EWSR1: variants seen among roughly 807,000 people sequenced by gnomAD.
EWSR1 encodes EWS RNA binding protein 1.
A neutral mutation model predicts 92.1 loss-of-function variants in EWSR1; 14 were observed. That is an observed-to-expected ratio of 0.15 (90% confidence interval 0.10 to 0.24). EWSR1 has a LOEUF of 0.24. Ranked by LOEUF, EWSR1 falls within the 10% of genes least tolerant of loss-of-function variation. The pLI, the probability that EWSR1 is intolerant of heterozygous loss-of-function variation, is 1.00. For synonymous variants in EWSR1, 303 were observed against 292.9 expected (o/e 1.03, Z -0.35); for missense variants, 637 against 870.9 (o/e 0.73, Z 3.38).
chr22:29,288,558 G>A (rs771485350), intron 7 of EWSR1, 48 bp from the exon 8 acceptor site: 38 of 1,524,030 alleles, frequency 2.5e-5, no homozygotes, highest in Non-Finnish European at 2.9e-5. Context: ...ACATCAGGCA[G>A]TGGTGTAAAT....
intron 11 of EWSR1, among the ~76,000 whole-genome samples, chr22:29,292,988 G>T (rs2060559310): frequency 6.6e-6 from 1 of 152,008 alleles, no homozygotes; most frequent in African/African-American, 2.4e-5. Context: ...GACCTCAGGT[G>T]ATCTGCCCAC....
chr22:29,283,580 C>A (rs1320346190), intron 6 of EWSR1, among the ~76,000 whole-genome samples: 6 of 151,220 alleles, frequency 4.0e-5, no homozygotes, highest in Non-Finnish European at 7.4e-5. Context: ...GGCTGGAGTG[C>A]AATGGCACAA....
chr22:29,268,582 G>A (rs1030380871), intron 1 of EWSR1, among the ~76,000 whole-genome samples: 11 of 152,214 alleles, frequency 7.2e-5, no homozygotes, highest in African/African-American at 2.4e-4. Context: ...GCTGCGGCGG[G>A]GGCGCGCGGG....
intron 8 of EWSR1, chr22:29,290,624 C>A: frequency 1.4e-6 from 2 of 1,467,542 alleles, no homozygotes; most frequent in Non-Finnish European, 1.8e-6. Flanking sequence ...TGGTAATGAA[C>A]CAGAGGAGGT....
intron 5 of EWSR1, among the ~76,000 whole-genome samples, 187 bp from the exon 6 acceptor site, chr22:29,282,203 T>C (rs2059663988): frequency 6.6e-6 from 1 of 152,206 alleles, no homozygotes; most frequent in Non-Finnish European, 1.5e-5. Context: ...GCAAATATAG[T>C]TGGACCGACA....
intron 8 of EWSR1, 164 bp downstream of exon 8, chr22:29,288,950 A>G (rs1555910333): frequency 3.0e-6 from 2 of 669,454 alleles, no homozygotes; most frequent in Non-Finnish European, 4.7e-6. Context: ...TCTTTGTGGC[A>G]TATATTAAGT....
At chr22:29,273,703 A>C (rs757140029) in intron 3 of EWSR1, 38 bp from the exon 4 acceptor site, 2 of 1,592,564 alleles carry the variant, frequency 1.3e-6, no homozygotes, top group African/African-American at 2.7e-5. Context: ...ACAAAAGTTC[A>C]TGTATGAAGT....
chr22:29,270,498 C>T (rs1011549655), intron 1 of EWSR1, among the ~76,000 whole-genome samples: 1 of 152,320 alleles, frequency 6.6e-6, no homozygotes, highest in East Asian at 1.9e-4. Flanking sequence ...TGTTTGTGTG[C>T]TCTAGGAAGA....
chr22:29,287,270 G>A, intron 7 of EWSR1, 136 bp downstream of exon 7: 1 of 828,660 alleles, frequency 1.2e-6, no homozygotes, highest in Non-Finnish European at 1.9e-6. Context: ...GTACAGTGGT[G>A]CCATCTCAGC....
At chr22:29,282,360 T>C (rs1488893540) in intron 5 of EWSR1, 30 bp from the exon 6 acceptor site, 1 of 1,509,028 alleles carries the variant, frequency 6.6e-7, no homozygotes, top group South Asian at 1.3e-5. Flanking sequence ...AAAGTCACTT[T>C]TTAATTTTAT....
At chr22:29,268,600 T>G (rs1007706725) in intron 1 of EWSR1, among the ~76,000 whole-genome samples, 2 of 152,074 alleles carry the variant, frequency 1.3e-5, no homozygotes, top group African/African-American at 4.8e-5. Context: ...GGGGCCCGCC[T>G]TGGCCTCCAT....
At chr22:29,287,936 G>A (rs1002848462) in intron 7 of EWSR1, among the ~76,000 whole-genome samples, 18 of 152,222 alleles carry the variant, frequency 1.2e-4, no homozygotes, top group African/African-American at 4.1e-4. Context: ...GCACTTTGGG[G>A]GAGGCCAAGG....
chr22:29,273,861 A>G lies in EWSR1; in HGVS notation c.223A>G (p.Thr75Ala), dbSNP rs556275941. The G allele has an allele frequency of 1.9e-6, 3 of 1,613,876 alleles. No individual in the cohort carries two copies. The highest frequency in any genetic ancestry group is 2.7e-5 in the African/African-American group (2 of 74,992). The change falls in exon 4 of 17, where the codon ACT (threonine) becomes GCT (alanine). Residue 75 changes from threonine (T) to alanine (A), a missense_variant. By Grantham distance (58) the Thr-to-Ala change is moderately conservative (BLOSUM62 0). Transcript: ENST00000397938. ...AYATSYGQPPTGYTTPTAPQA... is the reference protein window; with the variant it reads ...AYATSYGQPPAGYTTPTAPQA... ...TGCAACTTCTTATGGACAGCCTCCCACTGGTAAGGCCTGCCTTGGAGAGAT... is the reference window on the plus strand; with the variant it reads ...TGCAACTTCTTATGGACAGCCTCCCGCTGGTAAGGCCTGCCTTGGAGAGAT...
rs1210051958 is a variant in EWSR1 at position 29,288,713 on chromosome 22, G to T, written c.901G>T (p.Gly301Cys). 1 of 1,613,856 alleles carries T rather than the reference G, an allele frequency of 6.2e-7. No homozygotes were observed. Among genetic ancestry groups the T allele is most frequent in the African/African-American group, 1.3e-5 (1 of 74,934 alleles). ...NRSMSGPDNR[G>C]RGRGGFDRGG... is the part of the protein sequence containing the mutation. The stretch of plus-strand genomic sequence containing the variant: ...GAGCATGAGTGGCCCTGATAACCGG[G>T]GCAGGGGAAGAGGGGGATTTGATCG... The change falls in exon 8 of 17, where the codon GGC becomes TGC. Residue 301 changes from glycine to cysteine, a missense_variant. Physicochemically the swap from Gly to Cys is radical, Grantham distance 159. This residue lies in a region of EWSR1 where 116 missense variants were observed against 167.8 expected (regional missense o/e 0.69). Transcript: ENST00000397938.
At chr22:29,282,825 C>T (rs569197127) in intron 6 of EWSR1, among the ~76,000 whole-genome samples, 20 of 150,962 alleles carry the variant, frequency 1.3e-4, no homozygotes, top group Non-Finnish European at 2.7e-4. Flanking sequence ...TGCAGTGGCG[C>T]GATCTCGGCT....
chr22:29,292,906 G>A (rs887928342), intron 11 of EWSR1, among the ~76,000 whole-genome samples: 7 of 151,626 alleles, frequency 4.6e-5, no homozygotes, highest in Non-Finnish European at 7.4e-5. Flanking sequence ...ACAGGTGTGC[G>A]CCACCAGCTA....
intron 2 of EWSR1, 21 bp from the exon 3 acceptor site, chr22:29,272,359 T>G: frequency 1.9e-6 from 3 of 1,614,048 alleles, no homozygotes; most frequent in Non-Finnish European, 2.5e-6. Context: ...ATTCAAGTTA[T>G]TGCATTTAAT....
In EWSR1 at chr22:29,298,726, G is replaced by T. The variant is rs377466992; in HGVS notation, c.1418-7G>T. ...TGATTTGCTGTTTCTTGTTGTTCTTGTTGTAGGTCCAGGAGGCCCAGGAGG... is the reference window on the plus strand; with the variant it reads ...TGATTTGCTGTTTCTTGTTGTTCTTTTTGTAGGTCCAGGAGGCCCAGGAGG... On this transcript the variant is annotated splice_polypyrimidine_tract_variant and splice_region_variant and intron_variant, in intron 13 of 16. Transcript: ENST00000397938. 1.9e-6 allele frequency: 3 copies of T among 1,612,858 alleles called. No individual in the cohort carries two copies. The highest frequency in any genetic ancestry group is 2.5e-6 in the Non-Finnish European group (3 of 1,179,870).
At chr22:29,282,641 A>G in intron 6 of EWSR1, 84 bp downstream of exon 6, 2 of 1,200,818 alleles carry the variant, frequency 1.7e-6, no homozygotes, top group South Asian at 3.7e-5. Flanking sequence ...TGACTTCTTC[A>G]GCTAAGGTAT....
Sources: gnomAD v4.1 joint callset for allele counts (sites outside exome capture counted in the v4.1 genomes callset) on GRCh38, gnomAD v4.1.1 for gene constraint, gnomAD v4.1.1 regional missense constraint, MANE v1.5 for transcripts, NCBI Gene and HGNC (gene_info 2026-07-23, HGNC 2026-07-21) for gene names.